The following DOK5 variants were observed in gnomAD, a reference collection of about 807,000 sequenced individuals.
The protein encoded by DOK5 is downstream of tyrosine kinase 5.
A neutral mutation model predicts 43.3 loss-of-function variants in DOK5; 27 were observed. The observed-to-expected ratio is 0.62, with a 90% CI of 0.46 to 0.86. The LOEUF (loss-of-function observed/expected upper bound fraction) is 0.86. DOK5 is among the 40% of genes least tolerant of loss of function. DOK5 has a pLI of 0.00. For synonymous variants in DOK5, 146 were observed against 140.1 expected (o/e 1.04, Z -0.30); for missense variants, 373 against 392.9 (o/e 0.95, Z 0.43).
chr20:54,522,791 A>G (rs1372787496), intron 1 of DOK5, among the ~76,000 whole-genome samples: 1 of 152,140 alleles, frequency 6.6e-6, no homozygotes, highest in Non-Finnish European at 1.5e-5. Context: ...CTGGGATTAC[A>G]GGTGTGAGCC....
At chr20:54,485,558 A>G (rs1378695017) in intron 1 of DOK5, among the ~76,000 whole-genome samples, 1 of 152,164 alleles carries the variant, frequency 6.6e-6, no homozygotes, top group Non-Finnish European at 1.5e-5. Flanking sequence ...TCACCTGTCG[A>G]AGGACATGGG....
chr20:54,546,408 T>A (rs1391000829), intron 1 of DOK5, among the ~76,000 whole-genome samples: 13 of 152,156 alleles, frequency 8.5e-5, no homozygotes, highest in Non-Finnish European at 1.6e-4. Flanking sequence ...TCTTTTTTTT[T>A]ATTATTATAC....
At chr20:54,530,420 T>C (rs907892328) in intron 1 of DOK5, among the ~76,000 whole-genome samples, 2 of 152,202 alleles carry the variant, frequency 1.3e-5, no homozygotes, top group African/African-American at 2.4e-5. Context: ...ACCCTTGTCT[T>C]GATCTACGGA....
intron 6 of DOK5, among the ~76,000 whole-genome samples, chr20:54,642,593 A>G (rs1979178512): frequency 6.6e-6 from 1 of 150,806 alleles, no homozygotes; most frequent in African/African-American, 2.4e-5. Flanking sequence ...GCGTGGTGGC[A>G]TGTACCTGTA....
chr20:54,485,735 C>T (rs571273850), intron 1 of DOK5, among the ~76,000 whole-genome samples: 3 of 152,308 alleles, frequency 2.0e-5, no homozygotes, highest in African/African-American at 7.2e-5. Context: ...AACTGCTGAA[C>T]CGTTTTCTCA....
chr20:54,528,208 A>G (rs1983644154), intron 1 of DOK5, among the ~76,000 whole-genome samples: 1 of 152,204 alleles, frequency 6.6e-6, no homozygotes. Flanking sequence ...CTCCGTCTCA[A>G]AACAAAACAA....
chr20:54,539,434 A>G (rs1364024051), intron 1 of DOK5, among the ~76,000 whole-genome samples: 1 of 152,086 alleles, frequency 6.6e-6, no homozygotes, highest in Non-Finnish European at 1.5e-5. Flanking sequence ...CAATGTCTGT[A>G]TCCTGACTGT....
intron 6 of DOK5, among the ~76,000 whole-genome samples, chr20:54,613,255 TCGCCA>T (rs1189656768): frequency 7.3e-5 from 11 of 151,186 alleles, no homozygotes; most frequent in East Asian, 1.9e-4. Flanking sequence ...TCTCTCTCTC[TCGCCA>T]TCTCTCTCTC....
intron 5 of DOK5, among the ~76,000 whole-genome samples, chr20:54,602,048 G>C (rs1017066734): frequency 2.0e-5 from 3 of 152,058 alleles, no homozygotes; most frequent in African/African-American, 7.2e-5. Flanking sequence ...TGCTGTTCTG[G>C]GTTGCAGCTG....
In DOK5 at chr20:54,610,495, G is replaced by A. The variant is rs149752614; in HGVS notation, c.707G>A (p.Arg236His). 1.8e-4 allele frequency: 270 copies of A among 1,539,588 alleles called. 1 individual carries two copies. Among genetic ancestry groups the A allele is most frequent in the Non-Finnish European group, 1.8e-4 (208 of 1,142,590 alleles). ...AALAIAEQHE[R>H]LLQSVKNSML... ...TTGGCCATAGCCGAGCAGCACGAGCGCTTGCTACAGAGTGTGAAAAACTCG... is the reference window on the plus strand; with the variant it reads ...TTGGCCATAGCCGAGCAGCACGAGCACTTGCTACAGAGTGTGAAAAACTCG... The change falls in exon 6 of 8, where the codon CGC becomes CAC. Residue 236 changes from arginine (R) to histidine (H), a missense_variant. Physicochemically the swap from Arg to His is conservative, Grantham distance 29. Coordinates refer to ENST00000262593, the MANE Select transcript of DOK5 (RefSeq NM_018431.5).
intron 1 of DOK5, among the ~76,000 whole-genome samples, chr20:54,507,673 A>G (rs545730951): frequency 2.6e-5 from 4 of 152,322 alleles, no homozygotes; most frequent in South Asian, 4.1e-4. Context: ...AGATCTTATG[A>G]CAGGAAGGAC....
At chr20:54,531,769 G>C (rs754180052) in intron 1 of DOK5, among the ~76,000 whole-genome samples, 6 of 152,090 alleles carry the variant, frequency 3.9e-5, no homozygotes, top group Admixed American at 2.6e-4. Flanking sequence ...TTTAAGTTGG[G>C]GATTCATTTA....
chr20:54,562,240 T>C (rs1026196991), intron 2 of DOK5, among the ~76,000 whole-genome samples: 1 of 152,198 alleles, frequency 6.6e-6, no homozygotes, highest in African/African-American at 2.4e-5. Context: ...AAATGATTCT[T>C]GGCCTACTTA....
chr20:54,643,471 T>A lies in DOK5; in HGVS notation c.749T>A (p.Met250Lys), dbSNP rs1979222474. Residue 250 changes from methionine (M) to lysine (K), a missense_variant, in exon 7 of 8, where the codon ATG becomes AAG. By Grantham distance (95) the Met-to-Lys change is moderately conservative. Transcript: ENST00000262593. ...CTTTGGCTGCAGCTCCAGATGAAGA[T>A]GAGTGAGCGGGCCGCCTCGCTGAGC... Reference protein sequence around the residue: ...SVKNSMLQMKMSERAASLSTM... With the variant: ...SVKNSMLQMKKSERAASLSTM... 1.2e-6 allele frequency: 2 copies of A among 1,613,518 alleles called. No individual in the cohort carries two copies. The highest frequency in any genetic ancestry group is 1.7e-6 in the Non-Finnish European group (2 of 1,180,040).
At chr20:54,631,126 T>C (rs1210752546) in intron 6 of DOK5, among the ~76,000 whole-genome samples, 1 of 152,214 alleles carries the variant, frequency 6.6e-6, no homozygotes, top group Non-Finnish European at 1.5e-5. Context: ...GTTCATAATA[T>C]ACTAAATGAC....
At chr20:54,629,770 C>T (rs549736180) in intron 6 of DOK5, among the ~76,000 whole-genome samples, 62 of 152,272 alleles carry the variant, frequency 4.1e-4, no homozygotes, top group African/African-American at 1.4e-3. Context: ...GAGAGAATGA[C>T]CGGGAATGGT....
At chr20:54,553,446 C>T (rs8117905) in intron 1 of DOK5, among the ~76,000 whole-genome samples, 35,705 of 151,602 alleles carry the variant, frequency 0.24, 6,576 homozygotes, top group African/African-American at 0.52. Context: ...CCGCCGGCCT[C>T]GGCCTCCCAA....
intron 2 of DOK5, among the ~76,000 whole-genome samples, chr20:54,561,843 A>G (rs1326728947): frequency 6.6e-6 from 1 of 151,956 alleles, no homozygotes; most frequent in African/African-American, 2.4e-5. Flanking sequence ...TTTAGTAGAG[A>G]TGGGGGTTTC....
At chr20:54,621,161 G>T (rs1986964380) in intron 6 of DOK5, among the ~76,000 whole-genome samples, 1 of 152,176 alleles carries the variant, frequency 6.6e-6, no homozygotes, top group Non-Finnish European at 1.5e-5. Flanking sequence ...TTATGGCAGG[G>T]TACAAATGGA....
Sources: gnomAD v4.1 joint callset for allele counts (sites outside exome capture counted in the v4.1 genomes callset) on GRCh38, gnomAD v4.1.1 for gene constraint, MANE v1.5 for transcripts, NCBI Gene and HGNC (gene_info 2026-07-23, HGNC 2026-07-21) for gene names.